Variants in P4HA1 observed in about 807,000 individuals in gnomAD.
P4HA1 encodes the protein prolyl 4-hydroxylase subunit alpha-1.
A neutral mutation model predicts 72.8 loss-of-function variants in P4HA1; 24 were observed. The ratio of observed to expected loss-of-function variants is 0.33; its 90% CI spans 0.24 to 0.46. The LOEUF (loss-of-function observed/expected upper bound fraction) is 0.46. Among genes scored for constraint, P4HA1 ranks in the 20% least tolerant of loss-of-function variants. The pLI, the probability that P4HA1 is intolerant of heterozygous loss-of-function variation, is 1.00. For synonymous variants in P4HA1, 201 were observed against 218.8 expected (o/e 0.92, Z 0.72); for missense variants, 446 against 640.6 (o/e 0.70, Z 3.28).
rs566994642 is a variant in P4HA1, at chr10:73,038,890, T to C, written c.1148+6091A>G. 7.5e-4 allele frequency among the ~76,000 whole-genome samples: 114 copies of C among 151,564 alleles called. 17 individuals carry two copies. The East Asian group carries it at 9.4e-3, about 12-fold the overall frequency. ...ATCCGCCCGCCTCGGCCTCCCAAAG[T>C]GCTGGGATTACAGGCGTGAGCCACC... is the stretch of plus-strand genomic sequence containing the variant. On this transcript the variant is annotated intron_variant, in intron 9 of 14. Transcript: ENST00000394890.
intron 9 of P4HA1, among the ~76,000 whole-genome samples, chr10:73,035,237 GA>G (rs1172378640): frequency 7.0e-4 from 97 of 138,272 alleles, no homozygotes; most frequent in Middle Eastern, 3.8e-3. Context: ...ACTGCTTTTA[GA>G]AAAAAAAAAA....
intron 9 of P4HA1, among the ~76,000 whole-genome samples, chr10:73,033,479 T>G (rs1840489751): frequency 6.6e-6 from 1 of 152,228 alleles, no homozygotes; most frequent in African/African-American, 2.4e-5. Flanking sequence ...ACTCCAGCAG[T>G]TATTGCCTCC....
chr10:73,076,908 G>T (rs1176354173), intron 1 of P4HA1, among the ~76,000 whole-genome samples: 1 of 152,174 alleles, frequency 6.6e-6, no homozygotes, highest in East Asian at 1.9e-4. Context: ...CGTTCTACAA[G>T]AGCTAAAAAA....
intron 9 of P4HA1, 61 bp downstream of exon 9, chr10:73,044,920 T>A: frequency 1.5e-6 from 2 of 1,327,434 alleles, no homozygotes; most frequent in Admixed American, 1.9e-5. Context: ...AATGAATAAT[T>A]CCTGTAAGAT....
intron 5 of P4HA1, among the ~76,000 whole-genome samples, chr10:73,064,906 CTG>C (rs1841386110): frequency 6.6e-6 from 1 of 151,964 alleles, no homozygotes; most frequent in African/African-American, 2.4e-5. Context: ...ATCCGTTAAA[CTG>C]AGAGAGACAC....
intron 8 of P4HA1, among the ~76,000 whole-genome samples, chr10:73,045,887 A>C (rs559318697): frequency 9.8e-4 from 149 of 151,434 alleles, no homozygotes; most frequent in Non-Finnish European, 1.4e-3. Context: ...AAAAAAAAAA[A>C]CCACCAATTT....
At chr10:73,027,944 T>G (rs1840330345) in intron 10 of P4HA1, among the ~76,000 whole-genome samples, 1 of 151,650 alleles carries the variant, frequency 6.6e-6, no homozygotes, top group African/African-American at 2.4e-5. Flanking sequence ...GGAAAACCAT[T>G]AGGCAGGAAT....
At chr10:73,019,091 A>G (rs1840075130) in intron 10 of P4HA1, among the ~76,000 whole-genome samples, 1 of 152,134 alleles carries the variant, frequency 6.6e-6, no homozygotes, top group Non-Finnish European at 1.5e-5. Context: ...GAAAACAAGA[A>G]TGGAAGGATT....
chr10:73,045,313 T>C (rs1038626043), intron 8 of P4HA1, among the ~76,000 whole-genome samples: 1 of 151,616 alleles, frequency 6.6e-6, no homozygotes, highest in Admixed American at 6.6e-5. Flanking sequence ...TTTCTTTCAA[T>C]GGTGAAAGGA....
intron 5 of P4HA1, among the ~76,000 whole-genome samples, chr10:73,054,932 A>C (rs906307607): frequency 6.6e-6 from 1 of 152,102 alleles, no homozygotes; most frequent in Non-Finnish European, 1.5e-5. Context: ...TTGCCCATTT[A>C]AAAAATTTGG....
intron 1 of P4HA1, among the ~76,000 whole-genome samples, chr10:73,093,765 C>T (rs1275056546): frequency 8.5e-5 from 12 of 140,402 alleles, no homozygotes; most frequent in Middle Eastern, 4.2e-3. Context: ...ATGGCGTGAA[C>T]CCGGGAGGTG....
chr10:73,085,000 G>A (rs1048013402), intron 1 of P4HA1, among the ~76,000 whole-genome samples: 3 of 152,060 alleles, frequency 2.0e-5, no homozygotes, highest in African/African-American at 7.2e-5. Flanking sequence ...AATTAGCCGG[G>A]CATGGTGGCA....
intron 14 of P4HA1, among the ~76,000 whole-genome samples, chr10:73,009,117 A>T (rs956234334): frequency 6.6e-6 from 1 of 152,186 alleles, no homozygotes; most frequent in Non-Finnish European, 1.5e-5. Flanking sequence ...CACTATAATC[A>T]TAAGGGGAGA....
At position 73,073,120 on chromosome 10, in the gene P4HA1, C is replaced by T. The variant is rs555008955; in HGVS notation, c.173+611G>A. On this transcript the variant is annotated intron_variant, in intron 3 of 14. Coordinates refer to ENST00000394890, the MANE Select transcript of P4HA1 (RefSeq NM_001017962.3). ...GGAAGGTGGAGGTTGCAGTGAGCCA[C>T]GATCATGCCACTGCACTCCAGCCTG... is the stretch of plus-strand genomic sequence containing the variant. Among the ~76,000 whole-genome samples, 21 of 140,574 alleles carry T rather than the reference C, an allele frequency of 1.5e-4. No homozygotes were observed. The South Asian group carries it at 4.8e-3, about 32-fold the overall frequency. 92.2% of individuals were successfully genotyped at this position (140,574 alleles called of 152,430 possible).
intron 5 of P4HA1, among the ~76,000 whole-genome samples, chr10:73,059,421 A>AT (rs566371335): frequency 5.6e-4 from 61 of 108,168 alleles, no homozygotes; most frequent in Non-Finnish European, 8.6e-4. Context: ...GAGACAATAT[A>AT]TTTAAAAAAA....
At chr10:73,045,159 AAAT>A (rs1840825246) in intron 8 of P4HA1, 108 bp from the exon 9 acceptor site, 1 of 817,214 alleles carries the variant, frequency 1.2e-6, no homozygotes, top group Admixed American at 2.3e-5. Context: ...TAAAAAGAGA[AAAT>A]AACTCCATAC....
Position 73,074,884 on chromosome 10 carries a change from C to T in P4HA1, c.-1G>A. 1 of 1,427,906 alleles carries T rather than the reference C, an allele frequency of 7.0e-7. No individual in the cohort carries two copies. Among genetic ancestry groups the T allele is most frequent in the Non-Finnish European group, 9.8e-7 (1 of 1,018,484 alleles). 88.5% of individuals were successfully genotyped at this position (1,427,906 alleles called of 1,614,324 possible). ...CTATAATTAATATATACCAGATCAT[C>T]TTGGAAGATTTAATTTTACAGGATC... On this transcript the variant is annotated 5_prime_UTR_variant, in exon 2 of 15. Coordinates refer to ENST00000394890, the MANE Select transcript of P4HA1 (RefSeq NM_001017962.3).
chr10:73,061,677 G>A (rs12262986), intron 5 of P4HA1, among the ~76,000 whole-genome samples: 16,305 of 152,026 alleles, frequency 0.11, 1,258 homozygotes, highest in East Asian at 0.3. Flanking sequence ...AAGGCAGGAG[G>A]AACACTTGAG....
At chr10:73,047,127 G>T (rs750843862) in intron 7 of P4HA1, 26 bp from the exon 8 acceptor site, 7 of 1,489,380 alleles carry the variant, frequency 4.7e-6, no homozygotes, top group South Asian at 1.1e-5. Flanking sequence ...AGAATATGAT[G>T]AATATATTAC....
Sources: allele counts gnomAD v4.1 joint callset (sites outside exome capture counted in the v4.1 genomes callset), GRCh38; gene constraint gnomAD v4.1.1; transcripts MANE v1.5; gene names NCBI Gene and HGNC (gene_info 2026-07-23, HGNC 2026-07-21).